The following MED12L variants were observed in gnomAD, a reference collection of about 807,000 sequenced individuals.
MED12L encodes mediator complex subunit 12L.
Under a neutral mutation model 281.3 loss-of-function variants are expected in MED12L, and 60 were observed. The observed-to-expected ratio is 0.21, with a 90% CI of 0.17 to 0.26. The LOEUF is 0.26. Ranked by LOEUF, MED12L falls within the 10% of genes least tolerant of loss-of-function variation. The probability of loss-of-function intolerance (pLI) is 1.00; values close to 1 mark genes in which losing one functional copy is unlikely to be tolerated. For missense variants in MED12L, 2,146 were observed against 2,680.9 expected, an observed-to-expected ratio of 0.80 and a Z score of 4.41; for synonymous variants, 974 against 987.2, an observed-to-expected ratio of 0.99 and a Z score of 0.25.
At chr3:151,091,089 G>A (rs1299861965) in intron 2 of MED12L, among the ~76,000 whole-genome samples, 2 of 151,982 alleles carry the variant, frequency 1.3e-5, no homozygotes, top group African/African-American at 2.4e-5. Context: ...AAAAGAGGCC[G>A]AAACATTTGA....
At chr3:151,180,124 A>C (rs952441485) in intron 11 of MED12L, among the ~76,000 whole-genome samples, 5 of 152,224 alleles carry the variant, frequency 3.3e-5, no homozygotes, top group South Asian at 2.1e-4. Flanking sequence ...AGGACAAGAA[A>C]ATTTTTGTGC....
At chr3:151,139,408 G>A (rs942682868) in intron 5 of MED12L, among the ~76,000 whole-genome samples, 1 of 152,206 alleles carries the variant, frequency 6.6e-6, no homozygotes, top group Non-Finnish European at 1.5e-5. Flanking sequence ...TCAGTTGACA[G>A]ATTAAGGAGA....
chr3:151,329,522 C>G, intron 16 of MED12L: 1 of 1,547,412 alleles, frequency 6.5e-7, no homozygotes, highest in Non-Finnish European at 8.7e-7. Context: ...CTTATGGCGG[C>G]AGTCATTAGT....
chr3:151,399,041 G>A (rs947399549), intron 39 of MED12L, among the ~76,000 whole-genome samples: 10 of 140,094 alleles, frequency 7.1e-5, no homozygotes, highest in Non-Finnish European at 1.6e-4. Context: ...GAGAAGTGGC[G>A]ACTACTGAAA....
intron 5 of MED12L, among the ~76,000 whole-genome samples, chr3:151,150,752 G>A (rs752244936): frequency 2.0e-5 from 3 of 152,200 alleles, no homozygotes; most frequent in South Asian, 2.1e-4. Flanking sequence ...CAGCTTCTAC[G>A]TCAGCATTGC....
At position 151,337,743 on chromosome 3, in the gene MED12L, A is replaced by G. The variant is rs563100357; in HGVS notation, c.2251-12316A>G. On this transcript the variant is annotated intron_variant, in intron 16 of 44. Transcript: ENST00000687756. ...AACTTAGTTGCTTCTTCGTCAGTTA[A>G]TATTTTTACTTAGCGCTTTGCTTTA... 86 of 1,462,722 alleles carry G rather than the reference A, an allele frequency of 5.9e-5. No individual in the cohort carries two copies. In the South Asian group the frequency reaches 9.4e-4, roughly 16 times the overall value. 90.6% of individuals were successfully genotyped at this position (1,462,722 alleles called of 1,614,324 possible).
intron 5 of MED12L, among the ~76,000 whole-genome samples, chr3:151,134,823 G>C (rs1349698876): frequency 1.3e-5 from 2 of 152,166 alleles, no homozygotes; most frequent in Non-Finnish European, 2.9e-5. Flanking sequence ...GCACCTCCAG[G>C]ATTTAACTTC....
rs76090076 is a variant in MED12L, at chr3:151,274,745, A to G, written c.2251-75314A>G. Among the ~76,000 whole-genome samples the G allele has an allele frequency of 3.2e-3, 491 of 152,338 alleles. 3 individuals carry two copies. Among genetic ancestry groups the G allele is most frequent in the African/African-American group, 0.011 (473 of 41,576 alleles). On this transcript the variant is annotated intron_variant, in intron 16 of 44. Transcript: ENST00000687756. ...TATAATATGTCCAAAGATTGTTGTC[A>G]TAATTGAATGACTATCAATTCCTAG...
At position 151,198,776 on chromosome 3, in the gene MED12L, C is replaced by G. The variant is rs753318479; in HGVS notation, c.2250+5110C>G. 1.9e-6 allele frequency: 3 copies of G among 1,613,426 alleles called. No individual in the cohort carries two copies. In the African/African-American group the frequency reaches 4.0e-5, roughly 22 times the overall value. On this transcript the variant is annotated intron_variant, in intron 16 of 44. Coordinates refer to ENST00000687756, the MANE Select transcript of MED12L (RefSeq NM_001393769.1). ...ATTATCTTTGTTTCTGTAGAGCTGTCGAATTACAAGGCAATTGGATATTAA... is the reference window on the plus strand; with the variant it reads ...ATTATCTTTGTTTCTGTAGAGCTGTGGAATTACAAGGCAATTGGATATTAA...
At chr3:151,340,110 A>G (rs937228120) in intron 16 of MED12L, among the ~76,000 whole-genome samples, 2 of 152,116 alleles carry the variant, frequency 1.3e-5, no homozygotes, top group Non-Finnish European at 2.9e-5. Context: ...GCATCTCCTC[A>G]CCTATTTAGC....
At chr3:151,268,259 A>ATG (rs1229589884) in intron 16 of MED12L, among the ~76,000 whole-genome samples, 1 of 151,848 alleles carries the variant, frequency 6.6e-6, no homozygotes, top group African/African-American at 2.4e-5. Flanking sequence ...TTACTTATAT[A>ATG]TATATATAAG....
chr3:151,377,596 G>A (rs1253633074), intron 30 of MED12L, among the ~76,000 whole-genome samples: 3 of 152,190 alleles, frequency 2.0e-5, no homozygotes, highest in African/African-American at 7.2e-5. Context: ...AGGCTGATTT[G>A]TATTTCATCA....
intron 16 of MED12L, chr3:151,203,269 A>C (rs912016750): frequency 1.3e-5 from 2 of 152,202 alleles, no homozygotes; most frequent in African/African-American, 4.8e-5. Flanking sequence ...ATTGACGTAG[A>C]TGAAACTGTG....
intron 5 of MED12L, among the ~76,000 whole-genome samples, chr3:151,146,806 C>T (rs143507813): frequency 3.0e-4 from 45 of 152,160 alleles, no homozygotes; most frequent in African/African-American, 1.0e-3. Context: ...ACAGCCCATC[C>T]CCACCCCTCC....
chr3:151,093,309 A>G (rs766330311), intron 2 of MED12L, among the ~76,000 whole-genome samples: 22 of 152,194 alleles, frequency 1.4e-4, no homozygotes, highest in Non-Finnish European at 2.8e-4. Flanking sequence ...GTCTCTTAAA[A>G]AATGCAGATA....
intron 30 of MED12L, 132 bp downstream of exon 30, chr3:151,377,310 TATTA>T: frequency 1.4e-6 from 1 of 699,728 alleles, no homozygotes; most frequent in East Asian, 2.7e-5. Context: ...CAGGGATTAT[TATTA>T]ATAAGTTAAT....
intron 5 of MED12L, among the ~76,000 whole-genome samples, chr3:151,151,147 C>T (rs927068121): frequency 2.0e-5 from 3 of 149,024 alleles, no homozygotes; most frequent in Non-Finnish European, 3.0e-5. Flanking sequence ...ACGCCATTCT[C>T]CTGCCTCAGC....
At chr3:151,328,405 G>T (rs1287201043) in intron 16 of MED12L, 3 of 1,613,648 alleles carry the variant, frequency 1.9e-6, no homozygotes, top group Non-Finnish European at 2.5e-6. Flanking sequence ...AAACAGTCCA[G>T]AAAATAAACT....
chr3:151,295,038 T>C (rs1174939335), intron 16 of MED12L: 1 of 1,613,794 alleles, frequency 6.2e-7, no homozygotes, highest in Admixed American at 1.7e-5. Context: ...TTATTCCTAA[T>C]GTGGAAGAAG....
Sources: allele counts gnomAD v4.1 joint callset (sites outside exome capture counted in the v4.1 genomes callset), GRCh38; gene constraint gnomAD v4.1.1; transcripts MANE v1.5; gene names NCBI Gene and HGNC (gene_info 2026-07-23, HGNC 2026-07-21).